FSTL4: variants seen among roughly 807,000 people sequenced by gnomAD.
FSTL4 encodes follistatin like 4, also known as follistatin-related protein 4.
A neutral mutation model predicts 78.2 loss-of-function variants in FSTL4; 28 were observed. That is an observed-to-expected ratio of 0.36 (90% CI 0.27 to 0.49). The LOEUF is 0.49. Among genes scored for constraint, FSTL4 ranks in the 20% least tolerant of loss-of-function variants. FSTL4 has a pLI of 0.98. For missense variants in FSTL4, 922 were observed against 1,084.9 expected (o/e 0.85, Z 2.11); for synonymous variants, 422 against 440.5 (o/e 0.96, Z 0.53).
the FSTL4 span, among the ~76,000 whole-genome samples, chr5:133,685,607 C>A: frequency 6.6e-6 from 1 of 152,238 alleles, no homozygotes; most frequent in Non-Finnish European, 1.5e-5. Flanking sequence ...CTAGCACCTC[C>A]GCAGGCCCCA....
At chr5:133,314,794 T>C (rs1753864253) in intron 5 of FSTL4, among the ~76,000 whole-genome samples, 1 of 151,886 alleles carries the variant, frequency 6.6e-6, no homozygotes. Context: ...CAGAGGATGG[T>C]CGAAAGATTT....
rs370275419 is a variant in FSTL4 at position 133,357,660 on chromosome 5, C to T, written c.410-41008G>A. 6.3e-4 allele frequency among the ~76,000 whole-genome samples: 96 copies of T among 152,318 alleles called. 2 individuals carry two copies. In the South Asian group the frequency reaches 0.019, roughly 30 times the overall value. On this transcript the variant is annotated intron_variant, in intron 4 of 15. Transcript: ENST00000265342. ...CCAAACCTACAGGGCCCTTTCATTG[C>T]TTCATTGGCTTCTGCAGGCTCTGCA...
At chr5:133,297,326 A>C (rs990220490) in intron 6 of FSTL4, among the ~76,000 whole-genome samples, 1 of 152,162 alleles carries the variant, frequency 6.6e-6, no homozygotes, top group Admixed American at 6.5e-5. Flanking sequence ...TGTGAGCCCC[A>C]GGGTTCCAGG....
At chr5:133,290,613 A>G (rs1456174067) in intron 6 of FSTL4, among the ~76,000 whole-genome samples, 1 of 152,238 alleles carries the variant, frequency 6.6e-6, no homozygotes, top group African/African-American at 2.4e-5. Context: ...TCTAGGCATT[A>G]TGCCTAGGCT....
At chr5:133,746,979 G>A in the FSTL4 span, among the ~76,000 whole-genome samples, 6 of 152,154 alleles carry the variant, frequency 3.9e-5, no homozygotes, top group African/African-American at 1.2e-4. Context: ...GCATCCTGAC[G>A]GGCTTGGAGG....
intron 3 of FSTL4, among the ~76,000 whole-genome samples, chr5:133,412,107 A>G (rs1174748457): frequency 1.3e-5 from 2 of 152,184 alleles, no homozygotes; most frequent in East Asian, 3.8e-4. Flanking sequence ...TCTCATAAAT[A>G]CACAAATTTA....
intron 3 of FSTL4, among the ~76,000 whole-genome samples, chr5:133,425,175 A>G (rs113440968): frequency 2.0e-3 from 299 of 152,294 alleles, no homozygotes; most frequent in Non-Finnish European, 2.7e-3. Context: ...ACTTTATTAT[A>G]AAGTTTTTAG....
chr5:133,417,578 T>C (rs933334138), intron 3 of FSTL4, among the ~76,000 whole-genome samples: 1 of 152,060 alleles, frequency 6.6e-6, no homozygotes, highest in Non-Finnish European at 1.5e-5. Flanking sequence ...CAAATTATTA[T>C]CTAACAACTG....
chr5:133,560,009 T>C (rs1385906078), intron 3 of FSTL4, among the ~76,000 whole-genome samples: 1 of 152,204 alleles, frequency 6.6e-6, no homozygotes, highest in Non-Finnish European at 1.5e-5. Context: ...CCCTGGGACA[T>C]GCCAGGCATC....
At chr5:133,571,980 T>C (rs1005622934) in intron 2 of FSTL4, among the ~76,000 whole-genome samples, 6 of 152,176 alleles carry the variant, frequency 3.9e-5, no homozygotes, top group Admixed American at 6.5e-5. Context: ...GAATCAATAC[T>C]GAAAGAGACG....
At chr5:133,823,264 T>C in the FSTL4 span, among the ~76,000 whole-genome samples, 1 of 152,058 alleles carries the variant, frequency 6.6e-6, no homozygotes, top group African/African-American at 2.4e-5. Flanking sequence ...AGGAAATAAG[T>C]TGAAATTAAA....
chr5:133,689,083 C>T, the FSTL4 span, among the ~76,000 whole-genome samples: 1 of 152,220 alleles, frequency 6.6e-6, no homozygotes, highest in African/African-American at 2.4e-5. Context: ...CATCTGCCCT[C>T]CCCGTGGTCC....
At chr5:133,375,943 T>C (rs1434170811) in intron 4 of FSTL4, among the ~76,000 whole-genome samples, 1 of 152,242 alleles carries the variant, frequency 6.6e-6, no homozygotes, top group East Asian at 1.9e-4. Context: ...TGGAGAGATA[T>C]ACTATGTTTA....
the FSTL4 span, among the ~76,000 whole-genome samples, chr5:133,797,904 G>T: frequency 6.6e-6 from 1 of 152,098 alleles, no homozygotes; most frequent in Non-Finnish European, 1.5e-5. Context: ...AAGTCAGTCT[G>T]CTCTAAAAAC....
At chr5:133,635,415 C>T in the FSTL4 span, among the ~76,000 whole-genome samples, 3 of 152,186 alleles carry the variant, frequency 2.0e-5, no homozygotes, top group South Asian at 6.2e-4. Flanking sequence ...CAGCTACATC[C>T]CTGATATATG....
At chr5:133,693,882 T>G in the FSTL4 span, among the ~76,000 whole-genome samples, 1 of 152,160 alleles carries the variant, frequency 6.6e-6, no homozygotes, top group Non-Finnish European at 1.5e-5. Context: ...TTTTTTGTTC[T>G]GTCTGGGCCC....
chr5:133,327,170 C>G (rs577528076), intron 4 of FSTL4, among the ~76,000 whole-genome samples: 4 of 152,344 alleles, frequency 2.6e-5, no homozygotes, highest in East Asian at 1.9e-4. Context: ...AACGAAGAAC[C>G]TGTTTACTCT....
chr5:133,368,668 G>T (rs1755226622), intron 4 of FSTL4, among the ~76,000 whole-genome samples: 1 of 152,168 alleles, frequency 6.6e-6, no homozygotes, highest in Admixed American at 6.5e-5. Context: ...CCCTAGCACG[G>T]GAGGTGCATC....
At chr5:133,811,143 C>G in the FSTL4 span, among the ~76,000 whole-genome samples, 1 of 152,152 alleles carries the variant, frequency 6.6e-6, no homozygotes, top group African/African-American at 2.4e-5. Flanking sequence ...CCCTTATGCA[C>G]CCAAACAAAA....
Sources: allele counts gnomAD v4.1 joint callset (sites outside exome capture counted in the v4.1 genomes callset), GRCh38; gene constraint gnomAD v4.1.1; transcripts MANE v1.5; gene names NCBI Gene and HGNC (gene_info 2026-07-23, HGNC 2026-07-21).